The following PARD3B variants were observed in gnomAD, a reference collection of about 807,000 sequenced individuals.
PARD3B encodes par-3 family cell polarity regulator beta, also known as partitioning defective 3 homolog B.
A neutral mutation model predicts 130.2 loss-of-function variants in PARD3B; 103 were observed. The ratio of observed to expected loss-of-function variants is 0.79; its 90% CI spans 0.67 to 0.93. PARD3B has a LOEUF of 0.93. Among genes scored for constraint, PARD3B ranks in the 40% least tolerant of loss-of-function variants. The probability of loss-of-function intolerance (pLI) is 0.00; values close to 1 mark genes in which losing one functional copy is unlikely to be tolerated. For synonymous variants in PARD3B, 583 were observed against 553.2 expected, an observed-to-expected ratio of 1.05 and a Z score of -0.76; for missense variants, 1,609 against 1,499.2, an observed-to-expected ratio of 1.07 and a Z score of -1.21.
chr2:204,703,796 C>A (rs1291929631), intron 2 of PARD3B, among the ~76,000 whole-genome samples: 1 of 152,008 alleles, frequency 6.6e-6, no homozygotes, highest in Non-Finnish European at 1.5e-5. Flanking sequence ...ATAGTTTATT[C>A]TATGTTATTG....
intron 18 of PARD3B, among the ~76,000 whole-genome samples, chr2:205,380,029 C>A (rs1156663056): frequency 1.4e-5 from 2 of 143,052 alleles, no homozygotes; most frequent in African/African-American, 5.2e-5. Flanking sequence ...GATCATGCCA[C>A]TGCACTCCAG....
chr2:204,626,363 CTT>C (rs1265402870), intron 1 of PARD3B, among the ~76,000 whole-genome samples: 3 of 151,942 alleles, frequency 2.0e-5, no homozygotes, highest in Non-Finnish European at 4.4e-5. Context: ...TACTTTTTTT[CTT>C]TTCAAGAGCC....
chr2:204,674,886 G>A (rs1191259477), intron 1 of PARD3B, among the ~76,000 whole-genome samples: 1 of 152,188 alleles, frequency 6.6e-6, no homozygotes, highest in African/African-American at 2.4e-5. Context: ...TTGAATTGGA[G>A]ATATTAAGTA....
At chr2:205,072,878 TGA>T (rs1700827298) in intron 4 of PARD3B, among the ~76,000 whole-genome samples, 1 of 152,162 alleles carries the variant, frequency 6.6e-6, no homozygotes, top group Non-Finnish European at 1.5e-5. Context: ...ATTTTATGTA[TGA>T]GAGTCAAACC....
intron 16 of PARD3B, among the ~76,000 whole-genome samples, chr2:205,249,010 T>G (rs902261249): frequency 2.8e-5 from 4 of 143,508 alleles, no homozygotes; most frequent in African/African-American, 5.2e-5. Context: ...ATAAGAGTTT[T>G]TTTTTTTTTT....
At chr2:205,303,357 C>T (rs946248653) in intron 18 of PARD3B, among the ~76,000 whole-genome samples, 1 of 152,118 alleles carries the variant, frequency 6.6e-6, no homozygotes, top group Non-Finnish European at 1.5e-5. Flanking sequence ...TAGAGTGCTC[C>T]TTACTATACC....
chr2:205,373,337 A>C (rs1185361097), intron 18 of PARD3B, among the ~76,000 whole-genome samples: 1 of 152,204 alleles, frequency 6.6e-6, no homozygotes, highest in African/African-American at 2.4e-5. Flanking sequence ...CTGTTAACTG[A>C]GTAACAGAAG....
intron 19 of PARD3B, among the ~76,000 whole-genome samples, chr2:205,414,356 A>ATTC (rs2046703311): frequency 6.6e-6 from 1 of 152,166 alleles, no homozygotes. Flanking sequence ...CAGTAAAGAG[A>ATTC]AGATATTCAG....
intron 4 of PARD3B, among the ~76,000 whole-genome samples, chr2:205,101,444 A>G (rs926468725): frequency 1.3e-5 from 2 of 152,238 alleles, no homozygotes; most frequent in Non-Finnish European, 2.9e-5. Context: ...AAGAATGGCA[A>G]ATTATTCAGA....
chr2:205,608,062 T>C (rs2055081101), intron 22 of PARD3B, among the ~76,000 whole-genome samples: 1 of 152,168 alleles, frequency 6.6e-6, no homozygotes, highest in African/African-American at 2.4e-5. Context: ...TGCATAAATA[T>C]CTACTGCAAA....
chr2:205,052,411 A>G (rs1220837526), intron 4 of PARD3B, among the ~76,000 whole-genome samples: 2 of 73,068 alleles, frequency 2.7e-5, no homozygotes, highest in Non-Finnish European at 5.1e-5. Flanking sequence ...TGTATTTTAT[A>G]TATATATGTA....
At chr2:205,310,083 CTTT>C (rs34247571) in intron 18 of PARD3B, among the ~76,000 whole-genome samples, 24 of 124,298 alleles carry the variant, frequency 1.9e-4, no homozygotes, top group East Asian at 9.2e-4. Flanking sequence ...AAAATCTACT[CTTT>C]TTTTTTTTTT....
At chr2:205,001,691 T>C (rs1694841469) in intron 3 of PARD3B, among the ~76,000 whole-genome samples, 1 of 152,204 alleles carries the variant, frequency 6.6e-6, no homozygotes, top group South Asian at 2.1e-4. Context: ...TCAGTGGAAA[T>C]GGCAGGGAGG....
chr2:204,646,209 A>G (rs769624765), intron 1 of PARD3B, among the ~76,000 whole-genome samples: 1 of 152,090 alleles, frequency 6.6e-6, no homozygotes, highest in Non-Finnish European at 1.5e-5. Flanking sequence ...GAAGAAATGG[A>G]ATGTTGCTTG....
intron 20 of PARD3B, among the ~76,000 whole-genome samples, chr2:205,499,347 G>T (rs1393114896): frequency 2.0e-5 from 3 of 150,412 alleles, no homozygotes; most frequent in Non-Finnish European, 4.4e-5. Flanking sequence ...TTACTGTTTT[G>T]TTTTGTTTTT....
At chr2:205,177,204 C>A (rs145283782) in intron 13 of PARD3B, among the ~76,000 whole-genome samples, 1 of 151,780 alleles carries the variant, frequency 6.6e-6, no homozygotes, top group African/African-American at 2.4e-5. Flanking sequence ...GTTTTATCTC[C>A]CTGTATCTCT....
At chr2:205,596,334 C>G (rs1408523004) in intron 22 of PARD3B, among the ~76,000 whole-genome samples, 1 of 152,156 alleles carries the variant, frequency 6.6e-6, no homozygotes, top group Non-Finnish European at 1.5e-5. Flanking sequence ...AAATCCATTT[C>G]ATCTGCAAAA....
intron 2 of PARD3B, among the ~76,000 whole-genome samples, chr2:204,829,998 CAAAAAA>C (rs745415671): frequency 1.7e-4 from 8 of 47,706 alleles, no homozygotes; most frequent in South Asian, 1.1e-3. Context: ...GACTCCGTCT[CAAAAAA>C]AAAAAAAAAA....
At chr2:204,825,269 C>T (rs2043524316) in intron 2 of PARD3B, among the ~76,000 whole-genome samples, 1 of 152,128 alleles carries the variant, frequency 6.6e-6, no homozygotes, top group Admixed American at 6.5e-5. Context: ...GAATAGCACA[C>T]TAATTATAAT....
Sources: allele counts gnomAD v4.1 joint callset (sites outside exome capture counted in the v4.1 genomes callset), GRCh38; gene constraint gnomAD v4.1.1; transcripts MANE v1.5; gene names NCBI Gene and HGNC (gene_info 2026-07-23, HGNC 2026-07-21).